The following DLGAP1 variants were observed in gnomAD, a reference collection of about 807,000 sequenced individuals.
DLGAP1 encodes disks large-associated protein 1.
Under a neutral mutation model 90.8 loss-of-function variants are expected in DLGAP1, and 11 were observed. The observed-to-expected ratio is 0.12, with a 90% confidence interval of 0.08 to 0.20. The LOEUF (loss-of-function observed/expected upper bound fraction) is 0.20. DLGAP1 is among the 10% of genes least tolerant of loss of function. The probability of loss-of-function intolerance (pLI) is 1.00; values close to 1 mark genes in which losing one functional copy is unlikely to be tolerated. For synonymous variants in DLGAP1, 558 were observed against 540.7 expected, an observed-to-expected ratio of 1.03 and a Z score of -0.44; for missense variants, 1,050 against 1,333.8, an observed-to-expected ratio of 0.79 and a Z score of 3.31.
intron 2 of DLGAP1, among the ~76,000 whole-genome samples, chr18:4,141,668 G>A (rs2076497276): frequency 6.6e-6 from 1 of 151,546 alleles, no homozygotes; most frequent in African/African-American, 2.4e-5. Context: ...TTTTTCTTTT[G>A]TCCTTTCTGA....
At chr18:4,201,857 C>G (rs2144812823) in intron 1 of DLGAP1, among the ~76,000 whole-genome samples, 1 of 152,110 alleles carries the variant, frequency 6.6e-6, no homozygotes, top group South Asian at 2.1e-4. Flanking sequence ...GAAAAGCGAA[C>G]AGTTATATAC....
At chr18:4,310,722 A>C (rs1236791343) in intron 1 of DLGAP1, among the ~76,000 whole-genome samples, 3 of 152,220 alleles carry the variant, frequency 2.0e-5, no homozygotes. Context: ...GTAAGAGCAC[A>C]AGATACTTAT....
chr18:3,625,982 T>A (rs750656504), intron 7 of DLGAP1, among the ~76,000 whole-genome samples: 3 of 152,196 alleles, frequency 2.0e-5, no homozygotes, highest in Non-Finnish European at 2.9e-5. Flanking sequence ...AGTAGACTTG[T>A]GCTTGCCTAG....
rs1439977856 is a variant in DLGAP1 at position 3,561,350 on chromosome 18, C to T, written c.2057+6140G>A. On this transcript the variant is annotated intron_variant, in intron 9 of 12. Transcript: ENST00000315677. ...ACTCAGGAGGCTGAGGCAGGAGTAT[C>T]GCTTGAACCTGGGAGGTGGAGGTTG... is the stretch of plus-strand genomic sequence containing the variant. 1.2e-4 allele frequency among the ~76,000 whole-genome samples: 17 copies of T among 141,082 alleles called. 1 individual carries two copies. Among genetic ancestry groups the T allele is most frequent in the Admixed American group, 2.9e-4 (4 of 13,694 alleles). 92.6% of individuals were successfully genotyped at this position (141,082 alleles called of 152,430 possible).
At chr18:3,512,730 G>A in intron 10 of DLGAP1, among the ~76,000 whole-genome samples, 1 of 152,164 alleles carries the variant, frequency 6.6e-6, no homozygotes, top group South Asian at 2.1e-4. Flanking sequence ...CTTCCCCACG[G>A]ACATCTGCTG....
Position 3,497,630 on chromosome 18 carries a change from T to C in DLGAP1, c.*1555A>G, listed in dbSNP as rs1302410198. On this transcript the variant is annotated 3_prime_UTR_variant, in exon 13 of 13. Transcript: ENST00000315677. Reference sequence around the variant, plus strand: ...GATGTATGTTTTTAAAAGTCTTTCGTTTTTAATTTCTAATGCTTTAGGATG... The same window carrying C: ...GATGTATGTTTTTAAAAGTCTTTCGCTTTTAATTTCTAATGCTTTAGGATG... 1 of 152,212 alleles carries C rather than the reference T, an allele frequency of 6.6e-6. No individual in the cohort carries two copies. Among genetic ancestry groups the C allele is most frequent in the East Asian group, 1.9e-4 (1 of 5,198 alleles). The allele number at this position is 152,212 out of a possible 1,614,324, so 9.4% of individuals were successfully genotyped here. A position where few individuals can be genotyped will look rare whatever the true frequency, so the allele number is the denominator to read the frequency against.
Position 3,498,846 on chromosome 18 carries a change from G to C in DLGAP1, c.*339C>G. ...TATTGCTGAACAGACTAGCTCGAGA[G>C]AACTGAGGACGGCGGGTGACCTAAA... On this transcript the variant is annotated 3_prime_UTR_variant, in exon 13 of 13. Coordinates refer to ENST00000315677, the MANE Select transcript of DLGAP1 (RefSeq NM_004746.4). 6.2e-6 allele frequency: 2 copies of C among 322,474 alleles called. No homozygotes were observed. The highest frequency in any genetic ancestry group is 1.1e-5 in the Non-Finnish European group (2 of 177,602). The allele number at this position is 322,474 out of a possible 1,614,324, so 20.0% of individuals were successfully genotyped here. A position where few individuals can be genotyped will look rare whatever the true frequency, so the allele number is the denominator to read the frequency against.
chr18:3,646,818 G>A (rs1274737149), intron 7 of DLGAP1, among the ~76,000 whole-genome samples: 9 of 152,084 alleles, frequency 5.9e-5, no homozygotes, highest in African/African-American at 1.7e-4. Context: ...CCAGCTACTC[G>A]GGAGGCTGAA....
At chr18:4,395,433 T>G (rs1053086000) in intron 1 of DLGAP1, among the ~76,000 whole-genome samples, 1 of 152,168 alleles carries the variant, frequency 6.6e-6, no homozygotes, top group Non-Finnish European at 1.5e-5. Flanking sequence ...AAATTATTAT[T>G]TCTAGCATCT....
chr18:4,116,062 A>G (rs73384795), intron 2 of DLGAP1, among the ~76,000 whole-genome samples: 6,081 of 152,172 alleles, frequency 0.04, 435 homozygotes, highest in African/African-American at 0.14. Flanking sequence ...TCTCTTTAGT[A>G]TTTCTTGTAA....
chr18:4,448,521 C>G (rs1368890815), intron 1 of DLGAP1, among the ~76,000 whole-genome samples: 1 of 152,126 alleles, frequency 6.6e-6, no homozygotes, highest in Non-Finnish European at 1.5e-5. Context: ...ACATGCAAAT[C>G]TAGAGGAATT....
At chr18:3,994,272 C>G (rs1396144771) in intron 3 of DLGAP1, among the ~76,000 whole-genome samples, 1 of 152,222 alleles carries the variant, frequency 6.6e-6, no homozygotes, top group African/African-American at 2.4e-5. Flanking sequence ...TCTGCGATGG[C>G]AGCCTGTCCA....
At chr18:3,701,376 AG>A (rs1267515640) in intron 7 of DLGAP1, among the ~76,000 whole-genome samples, 2 of 152,196 alleles carry the variant, frequency 1.3e-5, no homozygotes, top group Non-Finnish European at 2.9e-5. Flanking sequence ...GGCCTCCAAA[AG>A]CAATCACGTC....
At chr18:4,432,809 T>C (rs549647779) in intron 1 of DLGAP1, among the ~76,000 whole-genome samples, 2 of 152,302 alleles carry the variant, frequency 1.3e-5, no homozygotes, top group South Asian at 2.1e-4. Flanking sequence ...AATATTCTTA[T>C]AATTCTATAA....
At chr18:3,872,859 T>C (rs1301118035) in intron 4 of DLGAP1, among the ~76,000 whole-genome samples, 1 of 152,208 alleles carries the variant, frequency 6.6e-6, no homozygotes, top group Non-Finnish European at 1.5e-5. Context: ...TACTGGCCAC[T>C]GAGAGATCCA....
At chr18:3,632,174 A>G (rs1340756703) in intron 7 of DLGAP1, among the ~76,000 whole-genome samples, 1 of 152,144 alleles carries the variant, frequency 6.6e-6, no homozygotes, top group African/African-American at 2.4e-5. Flanking sequence ...TGCATCTCAT[A>G]TCTTCCATCA....
At chr18:3,844,676 TA>T (rs1274865447) in intron 4 of DLGAP1, among the ~76,000 whole-genome samples, 2 of 152,202 alleles carry the variant, frequency 1.3e-5, no homozygotes, top group Non-Finnish European at 2.9e-5. Flanking sequence ...GCTGTTATTT[TA>T]AAAATCCAAT....
chr18:3,952,869 C>T (rs1047789736), intron 3 of DLGAP1, among the ~76,000 whole-genome samples: 2 of 152,166 alleles, frequency 1.3e-5, no homozygotes, highest in Non-Finnish European at 2.9e-5. Flanking sequence ...CTTTCACCCA[C>T]CCAGGACGGA....
At chr18:4,326,171 CA>C (rs2080813063) in intron 1 of DLGAP1, among the ~76,000 whole-genome samples, 1 of 151,712 alleles carries the variant, frequency 6.6e-6, no homozygotes, top group Non-Finnish European at 1.5e-5. Context: ...AAGCAAAAAA[CA>C]AGCAAAAGTG....
Sources: gnomAD v4.1 joint callset for allele counts (sites outside exome capture counted in the v4.1 genomes callset) on GRCh38, gnomAD v4.1.1 for gene constraint, MANE v1.5 for transcripts, NCBI Gene and HGNC (gene_info 2026-07-23, HGNC 2026-07-21) for gene names.